The following BAZ2A variants were observed in gnomAD, a reference collection of about 807,000 sequenced individuals.
The protein encoded by BAZ2A is bromodomain adjacent to zinc finger domain protein 2A.
BAZ2A carries 34 observed loss-of-function variants against 199.9 expected under a neutral mutation model. The ratio of observed to expected loss-of-function variants is 0.17; its 90% confidence interval spans 0.13 to 0.23. The LOEUF (loss-of-function observed/expected upper bound fraction) is 0.23, where lower values mean the gene tolerates loss of function less well. Among genes scored for constraint, BAZ2A ranks in the 10% least tolerant of loss-of-function variants. The pLI, the probability that BAZ2A is intolerant of heterozygous loss-of-function variation, is 1.00. For missense variants in BAZ2A, 2,002 were observed against 2,391.1 expected (o/e 0.84, Z 3.39); for synonymous variants, 857 against 883.9 (o/e 0.97, Z 0.54).
chr12:56,638,269 G>A, upstream of BAZ2A: 1 of 1,462,454 alleles, frequency 6.8e-7, no homozygotes, highest in Non-Finnish European at 9.5e-7. Context: ...ACAGAAAAAT[G>A]AAGCTTTTTG....
chr12:56,599,918 C>T (rs1165410062), intron 25 of BAZ2A, 46 bp downstream of exon 25: 4 of 1,613,218 alleles, frequency 2.5e-6, no homozygotes, highest in Middle Eastern at 3.3e-4. Flanking sequence ...CACCCCGCCC[C>T]TGCTGGCTGG....
intron 16 of BAZ2A, 68 bp downstream of exon 16, chr12:56,604,149 A>C (rs1592565507): frequency 6.8e-7 from 1 of 1,459,866 alleles, no homozygotes; most frequent in Middle Eastern, 1.7e-4. Context: ...TCAAGCCAAA[A>C]CCCTGGCTAT....
In BAZ2A at chr12:56,599,729, A is replaced by C; in HGVS notation, c.5145T>G (p.Asp1715Glu). 1 of 1,613,898 alleles carries C rather than the reference A, an allele frequency of 6.2e-7. No individual in the cohort carries two copies. Among genetic ancestry groups the C allele is most frequent in the Non-Finnish European group, 8.5e-7 (1 of 1,179,884 alleles). ...GAGCCAAACAGACAGTACAGAACCA[A>C]TCTCCTTCTGGGACAGCCTCCATCT... is the stretch of plus-strand genomic sequence containing the variant. Reference protein sequence around the residue: ...RPKMEAVPEGDWFCTVCLAQQ... With the variant: ...RPKMEAVPEGEWFCTVCLAQQ... The change falls in exon 26 of 29, where the codon GAT becomes GAG. Residue 1715 changes from aspartate (D) to glutamate (E), a missense_variant. Asp to Glu is a conservative substitution (Grantham distance 45). Around this residue, in one of 6 missense-constraint regions of BAZ2A, gnomAD observed 122 missense variants for 123.0 expected, o/e 0.99. Coordinates refer to ENST00000549884, the MANE Select transcript of BAZ2A (RefSeq NM_001300905.2).
intron 7 of BAZ2A, 40 bp downstream of exon 7, chr12:56,611,533 C>T (rs1565821487): frequency 6.3e-7 from 1 of 1,581,652 alleles, no homozygotes; most frequent in Non-Finnish European, 8.7e-7. Context: ...GTGCATTAAA[C>T]TTGTCAAGGT....
chr12:56,631,383 G>A (rs11171913), upstream of BAZ2A, among the ~76,000 whole-genome samples: 8,201 of 150,986 alleles, frequency 0.054, 739 homozygotes, highest in African/African-American at 0.19. Flanking sequence ...CCTGGGAGGT[G>A]GAGGTTGCAG....
chr12:56,601,968 C>G lies in BAZ2A; in HGVS notation c.3649G>C (p.Ala1217Pro). ...VRGQDSEQPQ[A>P]QLQPEAQLHA... is the part of the protein sequence containing the mutation. ...AGCTGAGCCTCAGGCTGAAGCTGGG[C>G]CTGGGGCTGTTCTGAATCCTGACCC... Residue 1217 changes from alanine to proline, a missense_variant, in exon 20 of 29, where the codon GCC (alanine) becomes CCC (proline). Physicochemically the swap from Ala to Pro is conservative, Grantham distance 27. Transcript: ENST00000549884. The G allele has an allele frequency of 6.4e-7, 1 of 1,560,720 alleles. No homozygotes were observed.
intron 3 of BAZ2A, chr12:56,614,791 A>C: frequency 1.7e-6 from 1 of 591,072 alleles, no homozygotes; most frequent in Admixed American, 3.0e-5. Flanking sequence ...TCCAGGCCAG[A>C]AGCTCTGCAT....
Position 56,600,795 on chromosome 12 carries a change from T to C in BAZ2A, c.4488A>G (p.Gln1496=). 1 of 1,613,906 alleles carries C rather than the reference T, an allele frequency of 6.2e-7. No homozygotes were observed. Among genetic ancestry groups the C allele is most frequent in the Non-Finnish European group, 8.5e-7 (1 of 1,179,880 alleles). Residue 1496 remains glutamine, a synonymous_variant, in exon 23 of 29, where the codon CAA becomes CAG. Coordinates refer to ENST00000549884, the MANE Select transcript of BAZ2A (RefSeq NM_001300905.2). Reference sequence around the variant, plus strand: ...TGGGGGACCAGCTCATAATCCCTTCTTGAAAGGCAGGTAGTTGCCTGGGCT... The same window carrying C: ...TGGGGGACCAGCTCATAATCCCTTCCTGAAAGGCAGGTAGTTGCCTGGGCT... ...IFEPRQLPAF[Q]EGIMSWSPKE... is the part of the protein sequence containing the mutation.
At chr12:56,604,145 C>T in intron 16 of BAZ2A, 72 bp downstream of exon 16, 1 of 1,453,888 alleles carries the variant, frequency 6.9e-7, no homozygotes, top group Non-Finnish European at 9.5e-7. Flanking sequence ...CATTTCAAGC[C>T]AAAACCCTGG....
In BAZ2A at chr12:56,601,229, C is replaced by T. The variant is rs765529601; in HGVS notation, c.4245G>A (p.Gln1415=). ...RGRPPSKFFK[Q]MEQRYLTQLT... ...GCTGGGTTAGGTAACGCTGTTCCAT[C>T]TGTTTGAAGAACTTACTGGGAGGTC... The change falls in exon 21 of 29, where the codon CAG becomes CAA. Residue 1415 remains glutamine (Q), a synonymous_variant. Coordinates refer to ENST00000549884, the MANE Select transcript of BAZ2A (RefSeq NM_001300905.2). 1.2e-6 allele frequency: 2 copies of T among 1,614,048 alleles called. No homozygotes were observed. The highest frequency in any genetic ancestry group is 1.1e-5 in the South Asian group (1 of 91,092).
At chr12:56,619,508 C>CAAAAAAAAAAAA (rs397850754) in intron 1 of BAZ2A, among the ~76,000 whole-genome samples, 4 of 84,784 alleles carry the variant, frequency 4.7e-5, no homozygotes, top group African/African-American at 1.8e-4. Context: ...GACCCTGTCT[C>CAAAAAAAAAAAA]AAAAAAAAAA....
At chr12:56,630,330 T>C (rs11831054), upstream of BAZ2A, 26,571 of 976,540 alleles carry the variant, frequency 0.027, 1,409 homozygotes, top group African/African-American at 0.21. Context: ...GAGGAGTGAG[T>C]CGGAGCCGGA....
chr12:56,601,040 C>G lies in BAZ2A; in HGVS notation c.4353G>C (p.Lys1451Asn). The G allele has an allele frequency of 6.2e-7, 1 of 1,610,916 alleles. No homozygotes were observed. Among genetic ancestry groups the G allele is most frequent in the African/African-American group, 1.3e-5 (1 of 74,940 alleles). ...RDPEMLDAML[K>N]ALHPRGIREK... is the part of the protein sequence containing the mutation. ...CCCGGATACCTCGGGGGTGTAGGGC[C>G]TTGAGCATGGCATCCAACATCTCAG... is the stretch of plus-strand genomic sequence containing the variant. Residue 1451 changes from lysine to asparagine, a missense_variant, in exon 22 of 29, where the codon AAG (lysine) becomes AAC (asparagine). Physicochemically the swap from Lys to Asn is moderately conservative, Grantham distance 94. This residue lies in a region of BAZ2A where 1,081 missense variants were observed against 1,274.7 expected (regional missense o/e 0.85). Coordinates refer to ENST00000549884, the MANE Select transcript of BAZ2A (RefSeq NM_001300905.2).
chr12:56,602,916 T>C (rs932408383), intron 18 of BAZ2A, 59 bp from the exon 19 acceptor site: 3 of 1,533,750 alleles, frequency 2.0e-6, no homozygotes. Context: ...CAGTGGTGAA[T>C]TCATCCAGTA....
chr12:56,636,188 C>A, exon 1 of BAZ2A: 1 of 1,594,682 alleles, frequency 6.3e-7, no homozygotes. Context: ...TCACCCATGT[C>A]AGGCTGGCAC....
At chr12:56,608,371 C>CAA (rs1312218418) in intron 10 of BAZ2A, among the ~76,000 whole-genome samples, 4 of 90,562 alleles carry the variant, frequency 4.4e-5, no homozygotes, top group Non-Finnish European at 7.0e-5. Flanking sequence ...GACTCTGTCT[C>CAA]AAAAAAAAAA....
chr12:56,600,281 G>A lies in BAZ2A; in HGVS notation c.4812C>T (p.Leu1604=). Residue 1604 remains leucine (L), a synonymous_variant, in exon 24 of 29, where the codon CTC becomes CTT. Transcript: ENST00000549884. The part of the protein sequence containing the change: ...NVERRYLREP[L]WPTHEVVLEK... ...CCAGCACAACCTCATGAGTTGGCCA[G>A]AGGGGCTCCCGCAGGTACCGCCGTT... 1 of 1,614,034 alleles carries A rather than the reference G, an allele frequency of 6.2e-7. No homozygotes were observed. Among genetic ancestry groups the A allele is most frequent in the Non-Finnish European group, 8.5e-7 (1 of 1,179,896 alleles).
Position 56,611,930 on chromosome 12 carries a change from C to A in BAZ2A, c.1452G>T (p.Leu484Phe), listed in dbSNP as rs777697327. 6.2e-7 allele frequency: 1 copy of A among 1,612,000 alleles called. No individual in the cohort carries two copies. The highest frequency in any genetic ancestry group is 8.5e-7 in the Non-Finnish European group (1 of 1,178,982). The change falls in exon 6 of 29, where the codon TTG (leucine) becomes TTT (phenylalanine). Residue 484 changes from leucine to phenylalanine, a missense_variant. This residue lies in a region of BAZ2A where 641 missense variants were observed against 694.5 expected (regional missense o/e 0.92). Coordinates refer to ENST00000549884, the MANE Select transcript of BAZ2A (RefSeq NM_001300905.2). ...CTTTTGGGGATGTCACTGAAGCCGTCAACGGGACTTCTAAGGAGACTGCTG... is the reference window on the plus strand; with the variant it reads ...CTTTTGGGGATGTCACTGAAGCCGTAAACGGGACTTCTAAGGAGACTGCTG... ...VLPAVSLEVP[L>F]TASVTSPKAS...
At position 56,611,995 on chromosome 12, in the gene BAZ2A, C is replaced by A; in HGVS notation, c.1387G>T (p.Val463Phe). ...GAAGCTGGAGAGACCACTGAGAAGA[C>A]TGCTGGAGAGACAACTGTAGAAGCT... ...PAASTVVSPA[V>F]FSVVSPASSA... is the part of the protein sequence containing the mutation. Residue 463 changes from valine to phenylalanine, a missense_variant, in exon 6 of 29, where the codon GTC becomes TTC. Coordinates refer to ENST00000549884, the MANE Select transcript of BAZ2A (RefSeq NM_001300905.2). 1 of 1,613,672 alleles carries A rather than the reference C, an allele frequency of 6.2e-7. No individual in the cohort carries two copies. Among genetic ancestry groups the A allele is most frequent in the South Asian group, 1.1e-5 (1 of 90,990 alleles).
Sources: allele counts gnomAD v4.1 joint callset (sites outside exome capture counted in the v4.1 genomes callset), GRCh38; gene constraint gnomAD v4.1.1; regional missense constraint gnomAD v4.1.1; transcripts MANE v1.5; gene names NCBI Gene and HGNC (gene_info 2026-07-23, HGNC 2026-07-21).